PUM3: variants seen among roughly 807,000 people sequenced by gnomAD.
PUM3 encodes pumilio RNA binding family member 3.
In PUM3, 91 loss-of-function variants were observed where a neutral mutation model predicts 84.0. The observed-to-expected ratio is 1.08, with a 90% confidence interval of 0.91 to 1.29. The LOEUF (loss-of-function observed/expected upper bound fraction) is 1.29, where lower values mean the gene tolerates loss of function less well. PUM3 is among the 50% of genes most tolerant of loss of function. The probability of loss-of-function intolerance (pLI) is 0.00; values close to 1 mark genes in which losing one functional copy is unlikely to be tolerated. For synonymous variants in PUM3, 321 were observed against 266.7 expected, an observed-to-expected ratio of 1.20 and a Z score of -1.98; for missense variants, 1,067 against 767.5, an observed-to-expected ratio of 1.39 and a Z score of -4.61.
At chr9:2,817,330 C>G (rs1341658794) in intron 13 of PUM3, among the ~76,000 whole-genome samples, 2 of 152,114 alleles carry the variant, frequency 1.3e-5, no homozygotes, top group African/African-American at 4.8e-5. Context: ...AGCCTATAGC[C>G]TGTTTTTGTC....
chr9:2,827,173 A>C, intron 9 of PUM3, 22 bp from the exon 10 acceptor site: 1 of 1,564,718 alleles, frequency 6.4e-7, no homozygotes, highest in Non-Finnish European at 8.8e-7. Context: ...AAAAAAAAGC[A>C]AAAAGACACA....
Position 2,834,675 on chromosome 9 carries a change from G to GA in PUM3, c.305-510dup, listed in dbSNP as rs369872803. ...CCCTCTCTTCCATGGTGGGGAAAAAGAACAAAGCAGTTGAGCTCTCTATCT... is the reference window on the plus strand; with the variant it reads ...CCCTCTCTTCCATGGTGGGGAAAAAGAAACAAAGCAGTTGAGCTCTCTATCT... On this transcript the variant is annotated intron_variant, in intron 3 of 17. Coordinates refer to ENST00000397885, the MANE Select transcript of PUM3 (RefSeq NM_014878.5). 4.6e-3 allele frequency among the ~76,000 whole-genome samples: 693 copies of GA among 152,232 alleles called. 2 individuals are homozygous for GA. Among genetic ancestry groups the GA allele is most frequent in the Middle Eastern group, 0.014 (4 of 294 alleles).
At chr9:2,826,072 C>T (rs1586724284) in intron 10 of PUM3, among the ~76,000 whole-genome samples, 1 of 151,938 alleles carries the variant, frequency 6.6e-6, no homozygotes, top group East Asian at 1.9e-4. Context: ...TGCATATATT[C>T]CAATTATGCT....
chr9:2,831,061 G>T, intron 6 of PUM3, 33 bp from the exon 7 acceptor site: 1 of 1,175,038 alleles, frequency 8.5e-7, no homozygotes, highest in South Asian at 1.3e-5. Context: ...AGTGACTTCA[G>T]ATCTCATTTC....
In PUM3 at chr9:2,825,772, G is replaced by A. The variant is rs1815800385; in HGVS notation, c.1036-957C>T. Among the ~76,000 whole-genome samples the A allele has an allele frequency of 2.0e-5, 3 of 152,144 alleles. No individual in the cohort carries two copies. In the South Asian group the frequency reaches 6.2e-4, roughly 32 times the overall value. On this transcript the variant is annotated intron_variant, in intron 10 of 17. Coordinates refer to ENST00000397885, the MANE Select transcript of PUM3 (RefSeq NM_014878.5). ...TGGGATTACAGGTGTGAGCCACCGT[G>A]CCTGGCCCTATATTTTCAAAGTCTA... is the stretch of plus-strand genomic sequence containing the variant.
At chr9:2,832,734 A>G (rs1441536729) in intron 5 of PUM3, among the ~76,000 whole-genome samples, 1 of 152,190 alleles carries the variant, frequency 6.6e-6, no homozygotes, top group Non-Finnish European at 1.5e-5. Flanking sequence ...AAACTGTAAT[A>G]TAGCATCTGG....
intron 3 of PUM3, 47 bp from the exon 4 acceptor site, chr9:2,834,213 G>A (rs767751191): frequency 3.3e-6 from 5 of 1,524,870 alleles, no homozygotes; most frequent in Non-Finnish European, 4.5e-6. Flanking sequence ...CATTCTAAGT[G>A]TCATACACCA....
chr9:2,843,660 G>C (rs892913438), intron 1 of PUM3, among the ~76,000 whole-genome samples: 1 of 143,276 alleles, frequency 7.0e-6, no homozygotes, highest in Non-Finnish European at 1.5e-5. Flanking sequence ...CTCACTGCAA[G>C]CTCCGCCTCC....
At chr9:2,836,728 G>C (rs1653725998) in intron 3 of PUM3, among the ~76,000 whole-genome samples, 1 of 152,120 alleles carries the variant, frequency 6.6e-6, no homozygotes, top group African/African-American at 2.4e-5. Flanking sequence ...CTGACACTTA[G>C]CTGGGGACAG....
chr9:2,823,834 C>A lies in PUM3; in HGVS notation c.1135G>T (p.Asp379Tyr). ...ATTGTTTTCACAATCACTTTCCTGTCCTTAAAAAGGAAAGATTGTCTCACT... is the reference window on the plus strand; with the variant it reads ...ATTGTTTTCACAATCACTTTCCTGTACTTAAAAAGGAAAGATTGTCTCACT... ...MHCLWHGTPK[D>Y]RKVIVKTMKT... Residue 379 changes from aspartate to tyrosine, a missense_variant and splice_region_variant, in exon 12 of 18, where the codon GAC becomes TAC. By Grantham distance (160) the Asp-to-Tyr change is radical. Transcript: ENST00000397885. 1 of 1,518,112 alleles carries A rather than the reference C, an allele frequency of 6.6e-7. No individual in the cohort carries two copies. Among genetic ancestry groups the A allele is most frequent in the Non-Finnish European group, 9.0e-7 (1 of 1,114,100 alleles). 94.0% of individuals were successfully genotyped at this position (1,518,112 alleles called of 1,614,324 possible).
In PUM3 at chr9:2,837,036, T is replaced by C. The variant is rs2129883040; in HGVS notation, c.304+144A>G. On this transcript the variant is annotated intron_variant, in intron 3 of 17. Transcript: ENST00000397885. The stretch of plus-strand genomic sequence containing the variant: ...AGAGGAAAATTGTGAGCATGAAAGA[T>C]GCTTTGTTGTTTATTTAAGCCACCT... 3 of 683,736 alleles carry C rather than the reference T, an allele frequency of 4.4e-6. No individual in the cohort carries two copies. In the East Asian group the frequency reaches 7.5e-5, roughly 17 times the overall value. 42.4% of individuals were successfully genotyped at this position (683,736 alleles called of 1,614,324 possible). A position where few individuals can be genotyped will look rare whatever the true frequency, so the allele number is the denominator to read the frequency against.
intron 3 of PUM3, among the ~76,000 whole-genome samples, chr9:2,835,225 C>T (rs994254331): frequency 3.3e-5 from 5 of 151,984 alleles, no homozygotes; most frequent in Admixed American, 1.3e-4. Flanking sequence ...TCAGCCTGGG[C>T]GAAATAGTGA....
chr9:2,832,663 C>T (rs6476047), intron 5 of PUM3, among the ~76,000 whole-genome samples: 58,206 of 151,926 alleles, frequency 0.38, 12,543 homozygotes, highest in South Asian at 0.53. Context: ...GCAGTCCTAT[C>T]GTAAAAAGAT....
chr9:2,809,655 A>G (rs2129788446), intron 16 of PUM3, among the ~76,000 whole-genome samples: 1 of 152,216 alleles, frequency 6.6e-6, no homozygotes, highest in Non-Finnish European at 1.5e-5. Flanking sequence ...TCAGTAGGGG[A>G]AAAAAATCTC....
chr9:2,812,419 C>T, intron 13 of PUM3, 57 bp from the exon 14 acceptor site: 1 of 1,178,488 alleles, frequency 8.5e-7, no homozygotes, highest in Non-Finnish European at 1.2e-6. Flanking sequence ...AAACAAAGTA[C>T]CACAGGACCT....
intron 5 of PUM3, among the ~76,000 whole-genome samples, chr9:2,832,300 C>G (rs911945987): frequency 6.6e-6 from 1 of 152,160 alleles, no homozygotes; most frequent in East Asian, 1.9e-4. Flanking sequence ...TGAGCTGTTA[C>G]TATTCCCACT....
intron 13 of PUM3, among the ~76,000 whole-genome samples, chr9:2,812,671 T>C (rs1366898668): frequency 6.6e-6 from 1 of 152,232 alleles, no homozygotes; most frequent in East Asian, 1.9e-4. Context: ...AGTTCTGAAA[T>C]TGTGTCATTA....
intron 1 of PUM3, among the ~76,000 whole-genome samples, chr9:2,839,852 T>C (rs1227365073): frequency 1.3e-5 from 2 of 152,240 alleles, no homozygotes; most frequent in African/African-American, 4.8e-5. Flanking sequence ...TATATTGAAA[T>C]AATTTTAGCT....
At chr9:2,834,337 T>G (rs1278206197) in intron 3 of PUM3, among the ~76,000 whole-genome samples, 171 bp from the exon 4 acceptor site, 1 of 152,216 alleles carries the variant, frequency 6.6e-6, no homozygotes, top group East Asian at 1.9e-4. Context: ...CTGAGCAGTT[T>G]GTACATTTTA....
Sources: gnomAD v4.1 joint callset for allele counts (sites outside exome capture counted in the v4.1 genomes callset) on GRCh38, gnomAD v4.1.1 for gene constraint, MANE v1.5 for transcripts, NCBI Gene and HGNC (gene_info 2026-07-23, HGNC 2026-07-21) for gene names.